The following C1orf21 variants were observed in gnomAD, a reference collection of about 807,000 sequenced individuals.
C1orf21 encodes uncharacterized protein C1orf21.
C1orf21 carries 3 observed loss-of-function variants against 18.7 expected under a neutral mutation model. The ratio of observed to expected loss-of-function variants is 0.16; its 90% CI spans 0.07 to 0.42. The LOEUF (loss-of-function observed/expected upper bound fraction) is 0.42. C1orf21 is among the 10% of genes least tolerant of loss of function. The pLI is 0.99. For synonymous variants in C1orf21, 41 were observed against 46.4 expected, an observed-to-expected ratio of 0.88 and a Z score of 0.47; for missense variants, 104 against 143.6, an observed-to-expected ratio of 0.72 and a Z score of 1.41.
At chr1:184,599,798 C>T (rs1049833915) in intron 5 of C1orf21, among the ~76,000 whole-genome samples, 2 of 152,252 alleles carry the variant, frequency 1.3e-5, no homozygotes, top group African/African-American at 4.8e-5. Context: ...CCAAAATGCT[C>T]CAAAATCTGT....
chr1:184,578,922 A>G (rs1659232688), intron 3 of C1orf21, among the ~76,000 whole-genome samples: 1 of 151,378 alleles, frequency 6.6e-6, no homozygotes, highest in Non-Finnish European at 1.5e-5. Context: ...ACAGCTTTGT[A>G]AGCAATGATA....
At position 184,621,952 on chromosome 1, in the gene C1orf21, G is replaced by A. The variant is rs572409580; in HGVS notation, c.*2396G>A. The stretch of plus-strand genomic sequence containing the variant: ...ATGGGGTGGTTGAGTGGGTCCGCAC[G>A]AAATGCTTGATTATGTCAGCAACAC... On this transcript the variant is annotated 3_prime_UTR_variant, in exon 6 of 6. Transcript: ENST00000235307. 2.0e-5 allele frequency: 3 copies of A among 152,290 alleles called. No individual in the cohort carries two copies. The highest frequency in any genetic ancestry group is 7.2e-5 in the African/African-American group (3 of 41,568). 9.4% of individuals were successfully genotyped at this position (152,290 alleles called of 1,614,324 possible). A position where few individuals can be genotyped will look rare whatever the true frequency, so the allele number is the denominator to read the frequency against.
At chr1:184,541,465 CTCT>C (rs1658649658) in intron 3 of C1orf21, among the ~76,000 whole-genome samples, 1 of 152,200 alleles carries the variant, frequency 6.6e-6, no homozygotes, top group Non-Finnish European at 1.5e-5. Flanking sequence ...ATGACCTCAC[CTCT>C]TCTTTAGGTC....
chr1:184,518,696 A>T (rs184427845), intron 3 of C1orf21, among the ~76,000 whole-genome samples: 3 of 152,184 alleles, frequency 2.0e-5, no homozygotes, highest in Admixed American at 1.3e-4. Flanking sequence ...AGTACAACAT[A>T]TCTCTTGAAT....
intron 1 of C1orf21, among the ~76,000 whole-genome samples, chr1:184,476,931 T>C (rs1442879654): frequency 6.6e-6 from 1 of 152,106 alleles, no homozygotes; most frequent in Admixed American, 6.6e-5. Context: ...TTTGAGGAGC[T>C]GGGAGGGCTG....
At chr1:184,540,423 T>G (rs941015592) in intron 3 of C1orf21, among the ~76,000 whole-genome samples, 1 of 151,962 alleles carries the variant, frequency 6.6e-6, no homozygotes, top group African/African-American at 2.4e-5. Context: ...TAGGAGTTTT[T>G]TTTGTTTGTT....
In C1orf21 at chr1:184,590,815, A is replaced by G; in HGVS notation, c.266A>G (p.Asn89Ser). ...VPGLVHQPRA[N>S]MHISESQQEF... ...GGATTAGTTCATCAACCCAGAGCAAAGTAAGTTCTAGTTTCTGTTTTCCTT... is the reference window on the plus strand; with the variant it reads ...GGATTAGTTCATCAACCCAGAGCAAGGTAAGTTCTAGTTTCTGTTTTCCTT... The change falls in exon 4 of 6, where the codon AAC (asparagine) becomes AGC (serine). Residue 89 changes from asparagine (N) to serine (S), a missense_variant and splice_region_variant. Physicochemically the swap from Asn to Ser is conservative, Grantham distance 46 (BLOSUM62 1). Transcript: ENST00000235307. The G allele has an allele frequency of 6.2e-7, 1 of 1,612,224 alleles. No individual in the cohort carries two copies. The highest frequency in any genetic ancestry group is 1.1e-5 in the South Asian group (1 of 90,978).
intron 1 of C1orf21, among the ~76,000 whole-genome samples, chr1:184,460,668 TTCTTCTTCTTC>T (rs1657292331): frequency 2.2e-5 from 3 of 138,378 alleles, no homozygotes; most frequent in Admixed American, 7.1e-5. Context: ...CTTCTTCTTC[TTCTTCTTCTTC>T]TTCTTCTTTC....
chr1:184,553,503 T>C (rs981977849), intron 3 of C1orf21, among the ~76,000 whole-genome samples: 35 of 152,326 alleles, frequency 2.3e-4, no homozygotes, highest in African/African-American at 7.7e-4. Context: ...CTTATTCCCG[T>C]TTTACAGAAA....
intron 5 of C1orf21, among the ~76,000 whole-genome samples, chr1:184,612,415 A>C (rs913230543): frequency 2.0e-5 from 3 of 152,230 alleles, no homozygotes; most frequent in Non-Finnish European, 4.4e-5. Flanking sequence ...TGATGAAAGC[A>C]AAAGACAGAG....
chr1:184,559,352 C>CT (rs1359785591), intron 3 of C1orf21, among the ~76,000 whole-genome samples: 1 of 152,120 alleles, frequency 6.6e-6, no homozygotes, highest in East Asian at 1.9e-4. Flanking sequence ...AGTAAAAGCT[C>CT]CCTGAGGCCT....
At chr1:184,445,226 A>G (rs1657010122) in intron 1 of C1orf21, among the ~76,000 whole-genome samples, 2 of 152,304 alleles carry the variant, frequency 1.3e-5, no homozygotes, top group Non-Finnish European at 2.9e-5. Flanking sequence ...TTGTCCATTC[A>G]TTCTAATAAA....
At chr1:184,553,344 A>C (rs774645120) in intron 3 of C1orf21, among the ~76,000 whole-genome samples, 8 of 152,160 alleles carry the variant, frequency 5.3e-5, no homozygotes, top group Non-Finnish European at 8.8e-5. Flanking sequence ...AATGATTTTT[A>C]AACTAATTTA....
At chr1:184,496,876 C>G (rs1557986826) in intron 2 of C1orf21, among the ~76,000 whole-genome samples, 1 of 151,994 alleles carries the variant, frequency 6.6e-6, no homozygotes, top group African/African-American at 2.4e-5. Context: ...TTCTTTTTTT[C>G]TATTGCACAT....
intron 3 of C1orf21, among the ~76,000 whole-genome samples, chr1:184,561,323 G>C (rs564016169): frequency 6.6e-6 from 1 of 152,308 alleles, no homozygotes; most frequent in East Asian, 1.9e-4. Flanking sequence ...AAGGATACCT[G>C]CTGAACTTTG....
At chr1:184,388,319 C>T (rs1261974234) in intron 1 of C1orf21, among the ~76,000 whole-genome samples, 1 of 152,172 alleles carries the variant, frequency 6.6e-6, no homozygotes, top group Non-Finnish European at 1.5e-5. Context: ...TAAAAATATG[C>T]ACACATAAAC....
chr1:184,395,538 G>A (rs1176373284), intron 1 of C1orf21, among the ~76,000 whole-genome samples: 1 of 152,020 alleles, frequency 6.6e-6, no homozygotes, highest in East Asian at 1.9e-4. Flanking sequence ...GAGAGATGCT[G>A]GAGATAGATA....
chr1:184,469,388 G>A (rs569267007), intron 1 of C1orf21, among the ~76,000 whole-genome samples: 4 of 152,326 alleles, frequency 2.6e-5, no homozygotes, highest in African/African-American at 7.2e-5. Context: ...GAGATTACAA[G>A]TCATGCTAGC....
chr1:184,502,512 C>T (rs2038306), intron 2 of C1orf21, among the ~76,000 whole-genome samples: 25,727 of 150,136 alleles, frequency 0.17, 2,437 homozygotes, highest in Admixed American at 0.29. Flanking sequence ...TTTTTTTTTT[C>T]GTTTGCTTGT....
Sources: allele counts gnomAD v4.1 joint callset (sites outside exome capture counted in the v4.1 genomes callset), GRCh38; gene constraint gnomAD v4.1.1; transcripts MANE v1.5; gene names NCBI Gene and HGNC (gene_info 2026-07-23, HGNC 2026-07-21).